The following HS6ST3 variants were observed in gnomAD, a reference collection of about 807,000 sequenced individuals.
HS6ST3 encodes heparan sulfate 6-O-sulfotransferase 3.
Under a neutral mutation model 36.7 loss-of-function variants are expected in HS6ST3, and 12 were observed. The ratio of observed to expected loss-of-function variants is 0.33; its 90% CI spans 0.21 to 0.53. The LOEUF is 0.53. HS6ST3 is among the 20% of genes least tolerant of loss of function. The probability of loss-of-function intolerance (pLI) is 0.95; values close to 1 mark genes in which losing one functional copy is unlikely to be tolerated. For synonymous variants in HS6ST3, 240 were observed against 257.5 expected (o/e 0.93, Z 0.65); for missense variants, 584 against 640.9 (o/e 0.91, Z 0.96).
intron 1 of HS6ST3, among the ~76,000 whole-genome samples, chr13:96,658,268 C>CTTTTTT (rs71213623): frequency 3.8e-4 from 29 of 76,154 alleles, no homozygotes; most frequent in African/African-American, 7.6e-4. Flanking sequence ...TCTTCTTCTT[C>CTTTTTT]TTTTTTTTTT....
At chr13:96,094,361 C>A (rs1477915117) in intron 1 of HS6ST3, among the ~76,000 whole-genome samples, 4 of 152,138 alleles carry the variant, frequency 2.6e-5, no homozygotes, top group African/African-American at 9.7e-5. Context: ...ATAGGTTCCC[C>A]ACTCAAGGCC....
At chr13:96,263,840 T>G (rs1336051814) in intron 1 of HS6ST3, among the ~76,000 whole-genome samples, 1 of 152,210 alleles carries the variant, frequency 6.6e-6, no homozygotes, top group African/African-American at 2.4e-5. Flanking sequence ...TTACAGTGTT[T>G]TCTTGATTAA....
intron 1 of HS6ST3, among the ~76,000 whole-genome samples, chr13:96,433,537 C>T (rs989931709): frequency 6.6e-6 from 1 of 152,196 alleles, no homozygotes; most frequent in African/African-American, 2.4e-5. Context: ...TTCTTCTGCA[C>T]ATGCTCTTTT....
intron 1 of HS6ST3, among the ~76,000 whole-genome samples, chr13:96,249,550 G>C (rs753227519): frequency 6.6e-6 from 1 of 152,098 alleles, no homozygotes; most frequent in Non-Finnish European, 1.5e-5. Flanking sequence ...GTAAGGACAG[G>C]GTAGTTTGCT....
intron 1 of HS6ST3, among the ~76,000 whole-genome samples, chr13:96,814,129 C>T (rs1477504693): frequency 6.6e-6 from 1 of 152,126 alleles, no homozygotes; most frequent in Non-Finnish European, 1.5e-5. Flanking sequence ...TCCTTGCAGA[C>T]TGTGTTAATT....
chr13:96,474,717 C>T (rs1230698365), intron 1 of HS6ST3, among the ~76,000 whole-genome samples: 1 of 152,182 alleles, frequency 6.6e-6, no homozygotes, highest in Non-Finnish European at 1.5e-5. Flanking sequence ...AACGACCTCT[C>T]TGGAATGTTT....
At chr13:96,549,611 T>C (rs1168359068) in intron 1 of HS6ST3, among the ~76,000 whole-genome samples, 2 of 152,200 alleles carry the variant, frequency 1.3e-5, no homozygotes, top group Non-Finnish European at 2.9e-5. Context: ...CATTGTAAAA[T>C]ATAAACTTTA....
chr13:96,610,853 G>GAAAAA (rs780834486), intron 1 of HS6ST3, among the ~76,000 whole-genome samples: 1 of 135,856 alleles, frequency 7.4e-6, no homozygotes, highest in African/African-American at 2.7e-5. Flanking sequence ...TGAAAAAAAT[G>GAAAAA]AAAAAAAAAA....
At chr13:96,511,186 A>C (rs2056048462) in intron 1 of HS6ST3, among the ~76,000 whole-genome samples, 1 of 152,160 alleles carries the variant, frequency 6.6e-6, no homozygotes, top group Non-Finnish European at 1.5e-5. Flanking sequence ...GATTGTATTA[A>C]ACACTCTGCC....
chr13:96,416,567 C>T (rs540508941), intron 1 of HS6ST3, among the ~76,000 whole-genome samples: 8 of 151,880 alleles, frequency 5.3e-5, no homozygotes, highest in South Asian at 2.1e-4. Context: ...ATTTATTGAA[C>T]GACTGAACTC....
intron 1 of HS6ST3, among the ~76,000 whole-genome samples, chr13:96,720,845 C>A (rs781532578): frequency 6.6e-6 from 1 of 152,106 alleles, no homozygotes; most frequent in Non-Finnish European, 1.5e-5. Flanking sequence ...CTTAGGAAGT[C>A]GTGTTTTATG....
At chr13:96,489,260 T>C (rs2055932547) in intron 1 of HS6ST3, among the ~76,000 whole-genome samples, 1 of 151,960 alleles carries the variant, frequency 6.6e-6, no homozygotes, top group African/African-American at 2.4e-5. Context: ...TGATTACTTA[T>C]AGAACAAACT....
At chr13:96,179,420 A>G (rs1428793378) in intron 1 of HS6ST3, among the ~76,000 whole-genome samples, 1 of 152,236 alleles carries the variant, frequency 6.6e-6, no homozygotes, top group Non-Finnish European at 1.5e-5. Context: ...TGATAATGCC[A>G]TCTTTTCACT....
intron 1 of HS6ST3, among the ~76,000 whole-genome samples, chr13:96,212,884 A>T (rs1160052297): frequency 6.6e-6 from 1 of 152,154 alleles, no homozygotes; most frequent in Non-Finnish European, 1.5e-5. Flanking sequence ...TTTCATTCCT[A>T]GTGACTAGAT....
intron 1 of HS6ST3, among the ~76,000 whole-genome samples, chr13:96,093,066 T>C (rs1287527280): frequency 1.2e-4 from 18 of 152,240 alleles, no homozygotes. Context: ...TGAGACACAA[T>C]TTCTGCTACA....
At chr13:96,208,622 AT>A (rs1297263195) in intron 1 of HS6ST3, among the ~76,000 whole-genome samples, 17 of 152,114 alleles carry the variant, frequency 1.1e-4, no homozygotes. Flanking sequence ...TAGTTACTGT[AT>A]TTTTTATTTA....
chr13:96,119,343 G>A (rs138342614), intron 1 of HS6ST3, among the ~76,000 whole-genome samples: 2,165 of 152,110 alleles, frequency 0.014, 29 homozygotes, highest in South Asian at 0.052. Flanking sequence ...AAAAAACAGA[G>A]TGATGTTTTA....
intron 1 of HS6ST3, among the ~76,000 whole-genome samples, chr13:96,507,537 A>C (rs1363178258): frequency 6.6e-6 from 1 of 151,956 alleles, no homozygotes; most frequent in Non-Finnish European, 1.5e-5. Context: ...GGCCCTGGAA[A>C]ATTAACGGGC....
intron 1 of HS6ST3, among the ~76,000 whole-genome samples, chr13:96,527,248 C>G (rs532322495): frequency 7.9e-5 from 12 of 152,238 alleles, no homozygotes; most frequent in African/African-American, 2.9e-4. Flanking sequence ...AGCCATCACA[C>G]TGGGCTCACA....
Sources: allele counts gnomAD v4.1 joint callset (sites outside exome capture counted in the v4.1 genomes callset), GRCh38; gene constraint gnomAD v4.1.1; transcripts MANE v1.5; gene names NCBI Gene and HGNC (gene_info 2026-07-23, HGNC 2026-07-21).